SLC7A6: variants seen among roughly 807,000 people sequenced by gnomAD.
SLC7A6 encodes the protein Y+L amino acid transporter 2.
Under a neutral mutation model 46.6 loss-of-function variants are expected in SLC7A6, and 29 were observed. The observed-to-expected ratio is 0.62, with a 90% CI of 0.46 to 0.85. The LOEUF is 0.85. Among genes scored for constraint, SLC7A6 ranks in the 40% least tolerant of loss-of-function variants. The probability of loss-of-function intolerance (pLI) is 0.00; values close to 1 mark genes in which losing one functional copy is unlikely to be tolerated. For missense variants in SLC7A6, 527 were observed against 647.6 expected (o/e 0.81, Z 2.02); for synonymous variants, 276 against 257.3 (o/e 1.07, Z -0.70).
intron 7 of SLC7A6, 163 bp from the exon 8 acceptor site, chr16:68,294,542 G>C (rs2043124015): frequency 1.6e-6 from 1 of 612,486 alleles, no homozygotes; most frequent in Non-Finnish European, 2.9e-6. Flanking sequence ...GAAGGGGGGA[G>C]CAGGGAGGTT....
chr16:68,271,861 G>A (rs564367481), intron 2 of SLC7A6, among the ~76,000 whole-genome samples: 7 of 152,064 alleles, frequency 4.6e-5, no homozygotes, highest in African/African-American at 1.4e-4. Flanking sequence ...GAGTGCAGTG[G>A]CGCTATCTTG....
chr16:68,267,636 T>G (rs537919250), intron 2 of SLC7A6, among the ~76,000 whole-genome samples: 30 of 152,314 alleles, frequency 2.0e-4, no homozygotes, highest in East Asian at 7.7e-4. Context: ...AGCAAAATAT[T>G]TTTTGGTCTT....
Position 68,296,620 on chromosome 16 carries a change from A to G in SLC7A6, c.1270-7A>G. On this transcript the variant is annotated splice_region_variant and splice_polypyrimidine_tract_variant and intron_variant, in intron 9 of 10. Transcript: ENST00000219343. Reference sequence around the variant, plus strand: ...CGTTACTTAATCTCTCACCCCCTCTATTTCAGCTGAGCGTGTTTTTCCCCA... The same window carrying G: ...CGTTACTTAATCTCTCACCCCCTCTGTTTCAGCTGAGCGTGTTTTTCCCCA... 1 of 1,613,782 alleles carries G rather than the reference A, an allele frequency of 6.2e-7. No homozygotes were observed. Among genetic ancestry groups the G allele is most frequent in the Non-Finnish European group, 8.5e-7 (1 of 1,179,934 alleles).
At chr16:68,266,931 G>A (rs1291355904) in intron 2 of SLC7A6, among the ~76,000 whole-genome samples, 1 of 151,610 alleles carries the variant, frequency 6.6e-6, no homozygotes, top group Non-Finnish European at 1.5e-5. Context: ...AGTAATTGTG[G>A]TGGGTTTTTT....
intron 3 of SLC7A6, among the ~76,000 whole-genome samples, chr16:68,286,383 T>C (rs1412929764): frequency 6.6e-6 from 1 of 152,120 alleles, no homozygotes; most frequent in Non-Finnish European, 1.5e-5. Flanking sequence ...TGGGAGTTGC[T>C]GTTGGCTATG....
chr16:68,296,512 A>G lies in SLC7A6; in HGVS notation c.1268A>G (p.Lys423Arg). The G allele has an allele frequency of 6.2e-7, 1 of 1,614,166 alleles. No homozygotes were observed. The highest frequency in any genetic ancestry group is 8.5e-7 in the Non-Finnish European group (1 of 1,180,030). ...GAGCCCAAGCGGCCCCGGCCTCTCAAGGTCAGCAGCTCTGGCCAGACTAGG... is the reference window on the plus strand; with the variant it reads ...GAGCCCAAGCGGCCCCGGCCTCTCAGGGTCAGCAGCTCTGGCCAGACTAGG... ...WKEPKRPRPL[K>R]LSVFFPIVFC... Residue 423 changes from lysine to arginine, a missense_variant and splice_region_variant, in exon 9 of 11, where the codon AAG becomes AGG. Coordinates refer to ENST00000219343, the MANE Select transcript of SLC7A6 (RefSeq NM_003983.6).
intron 10 of SLC7A6, 114 bp downstream of exon 10, chr16:68,296,924 C>T (rs2043182237): frequency 3.6e-6 from 4 of 1,106,740 alleles, no homozygotes. Flanking sequence ...GCCATGTGAC[C>T]CAGCTGTCCA....
intron 3 of SLC7A6, among the ~76,000 whole-genome samples, chr16:68,281,637 G>C (rs922183607): frequency 6.6e-6 from 1 of 152,168 alleles, no homozygotes. Context: ...AGAAATGTTG[G>C]TTCTTGAGGT....
chr16:68,290,332 C>T (rs1229095219), intron 4 of SLC7A6, 64 bp from the exon 5 acceptor site: 1 of 1,566,146 alleles, frequency 6.4e-7, no homozygotes, highest in Non-Finnish European at 8.7e-7. Flanking sequence ...CTCCCATCTC[C>T]TCTTCCTTTC....
chr16:68,296,732 C>G lies in SLC7A6; in HGVS notation c.1375C>G (p.Leu459Val). 2 of 1,614,200 alleles carry G rather than the reference C, an allele frequency of 1.2e-6. No individual in the cohort carries two copies. The highest frequency in any genetic ancestry group is 1.7e-6 in the Non-Finnish European group (2 of 1,180,046). ...TTCCCTCATTGGCATCGGGATTGCCCTTTCTGGAGTCCCTTTCTACTTCAT... is the reference window on the plus strand; with the variant it reads ...TTCCCTCATTGGCATCGGGATTGCCGTTTCTGGAGTCCCTTTCTACTTCAT... Reference protein sequence around the residue: ...INSLIGIGIALSGVPFYFMGV... With the variant: ...INSLIGIGIAVSGVPFYFMGV... The change falls in exon 10 of 11, where the codon CTT becomes GTT. Residue 459 changes from leucine (L) to valine (V), a missense_variant. By Grantham distance (32) the Leu-to-Val change is conservative. Transcript: ENST00000219343.
intron 3 of SLC7A6, among the ~76,000 whole-genome samples, chr16:68,286,113 A>AG (rs1175464566): frequency 3.3e-5 from 5 of 150,934 alleles, no homozygotes; most frequent in African/African-American, 1.2e-4. Flanking sequence ...AAAAAAAAAA[A>AG]AGAAGGAAAG....
intron 3 of SLC7A6, among the ~76,000 whole-genome samples, chr16:68,280,474 C>T (rs2042810053): frequency 6.6e-6 from 1 of 152,050 alleles, no homozygotes; most frequent in South Asian, 2.1e-4. Context: ...TAGTTGCCAA[C>T]ATTTGAAAAT....
At chr16:68,269,824 G>A (rs2042594695) in intron 2 of SLC7A6, among the ~76,000 whole-genome samples, 1 of 151,828 alleles carries the variant, frequency 6.6e-6, no homozygotes. Context: ...TGGAGTGCCC[G>A]TAGTGCCATC....
In SLC7A6 at chr16:68,294,731, G is replaced by A. The variant is rs1219421591; in HGVS notation, c.1049G>A (p.Gly350Asp). The change falls in exon 8 of 11, where the codon GGC (glycine) becomes GAC (aspartate). Residue 350 changes from glycine (G) to aspartate (D), a missense_variant. Coordinates refer to ENST00000219343, the MANE Select transcript of SLC7A6 (RefSeq NM_003983.6). ...TTGTTCTTCGTGGGCTCCCGGGAGG[G>A]CCACCTACCGGACCTTCTGTCCATG... ...SRLFFVGSRE[G>D]HLPDLLSMIH... is the part of the protein sequence containing the mutation. The A allele has an allele frequency of 1.2e-6, 2 of 1,613,534 alleles. No individual in the cohort carries two copies. Among genetic ancestry groups the A allele is most frequent in the African/African-American group, 1.3e-5 (1 of 74,862 alleles).
intron 7 of SLC7A6, among the ~76,000 whole-genome samples, chr16:68,293,295 G>A (rs1337112879): frequency 2.0e-5 from 3 of 152,158 alleles, no homozygotes; most frequent in African/African-American, 7.2e-5. Context: ...ATGGTGGCAC[G>A]TGCTTGTAGT....
In SLC7A6 at chr16:68,297,403, C is replaced by T; in HGVS notation, c.*75C>T. The stretch of plus-strand genomic sequence containing the variant: ...TCCTGATAACAAGACTCTGTGGGCC[C>T]AACTCTCCTGAATTAAAGGAGCCTT... On this transcript the variant is annotated 3_prime_UTR_variant, in exon 11 of 11. Transcript: ENST00000219343. 1 of 1,247,498 alleles carries T rather than the reference C, an allele frequency of 8.0e-7. No homozygotes were observed. The highest frequency in any genetic ancestry group is 2.3e-5 in the East Asian group (1 of 43,082). 77.3% of individuals were successfully genotyped at this position (1,247,498 alleles called of 1,614,324 possible).
At chr16:68,288,446 G>A (rs1293489133) in intron 4 of SLC7A6, among the ~76,000 whole-genome samples, 1 of 152,184 alleles carries the variant, frequency 6.6e-6, no homozygotes, top group Non-Finnish European at 1.5e-5. Flanking sequence ...TCCTGGATCA[G>A]AGAGGACTGG....
chr16:68,273,203 C>T (rs988049828), intron 2 of SLC7A6, among the ~76,000 whole-genome samples: 9 of 152,120 alleles, frequency 5.9e-5, no homozygotes, highest in Non-Finnish European at 8.8e-5. Context: ...CTAAGAACTA[C>T]TCACTCTTGA....
intron 2 of SLC7A6, among the ~76,000 whole-genome samples, chr16:68,269,311 T>A (rs2042585750): frequency 6.6e-6 from 1 of 152,232 alleles, no homozygotes; most frequent in African/African-American, 2.4e-5. Flanking sequence ...TTGCTTTTTT[T>A]ATGTTGCTTG....
Sources: gnomAD v4.1 joint callset for allele counts (sites outside exome capture counted in the v4.1 genomes callset) on GRCh38, gnomAD v4.1.1 for gene constraint, MANE v1.5 for transcripts, NCBI Gene and HGNC (gene_info 2026-07-23, HGNC 2026-07-21) for gene names.